CCDC178: variants seen among roughly 807,000 people sequenced by gnomAD.
CCDC178 encodes coiled-coil domain-containing protein 178.
In CCDC178, 126 loss-of-function variants were observed where a neutral mutation model predicts 117.4. The ratio of observed to expected loss-of-function variants is 1.07; its 90% CI spans 0.93 to 1.24. The LOEUF is 1.24. Ranked by LOEUF, CCDC178 falls within the 50% of genes most tolerant of loss-of-function variation. The probability of loss-of-function intolerance (pLI) is 0.00; values close to 1 mark genes in which losing one functional copy is unlikely to be tolerated. For missense variants in CCDC178, 1,030 were observed against 986.9 expected, an observed-to-expected ratio of 1.04 and a Z score of -0.59; for synonymous variants, 283 against 313.4, an observed-to-expected ratio of 0.90 and a Z score of 1.02.
chr18:33,380,069 G>C (rs1195320662), intron 5 of CCDC178, among the ~76,000 whole-genome samples: 3 of 152,052 alleles, frequency 2.0e-5, no homozygotes, highest in East Asian at 1.9e-4. Context: ...TTCTATCTGG[G>C]GGTGGAGTGC....
At chr18:33,379,177 T>C (rs2063406345) in intron 5 of CCDC178, among the ~76,000 whole-genome samples, 1 of 132,722 alleles carries the variant, frequency 7.5e-6, no homozygotes, top group Admixed American at 8.1e-5. Context: ...ATATATAATA[T>C]ATATATTTCC....
intron 20 of CCDC178, among the ~76,000 whole-genome samples, chr18:33,135,031 A>G (rs1297693010): frequency 5.3e-5 from 8 of 152,158 alleles, no homozygotes; most frequent in Non-Finnish European, 7.4e-5. Context: ...AGTATTTCAG[A>G]AAAAAATAAA....
At chr18:33,287,792 G>GAATA (rs763667556) in intron 12 of CCDC178, among the ~76,000 whole-genome samples, 30 of 151,632 alleles carry the variant, frequency 2.0e-4, no homozygotes, top group East Asian at 3.9e-4. Flanking sequence ...ATAAATGAAT[G>GAATA]AATAAATAAA....
At chr18:33,004,565 T>A (rs1460990632) in intron 21 of CCDC178, among the ~76,000 whole-genome samples, 5 of 152,074 alleles carry the variant, frequency 3.3e-5, no homozygotes, top group Non-Finnish European at 2.9e-5. Context: ...ACTGAAGATT[T>A]CTTGAGTGAT....
At chr18:33,288,260 C>T in intron 12 of CCDC178, among the ~76,000 whole-genome samples, 1 of 123,816 alleles carries the variant, frequency 8.1e-6, no homozygotes, top group Non-Finnish European at 1.7e-5. Flanking sequence ...CTCCCCTTCC[C>T]TCCCCTCCTC....
intron 14 of CCDC178, among the ~76,000 whole-genome samples, chr18:33,250,991 TA>T (rs200170322): frequency 5.9e-5 from 9 of 151,328 alleles, no homozygotes; most frequent in African/African-American, 1.9e-4. Flanking sequence ...AAGAAAACAA[TA>T]AAAAAACCTT....
chr18:33,150,918 T>A (rs1004109756), intron 20 of CCDC178, among the ~76,000 whole-genome samples: 2 of 152,140 alleles, frequency 1.3e-5, no homozygotes, highest in African/African-American at 2.4e-5. Flanking sequence ...TACTCGGGCA[T>A]AAATAGGAAT....
At chr18:33,022,309 A>G (rs928046355) in intron 21 of CCDC178, among the ~76,000 whole-genome samples, 2 of 152,172 alleles carry the variant, frequency 1.3e-5, no homozygotes, top group African/African-American at 4.8e-5. Flanking sequence ...CGTTAGGAAG[A>G]AAAAAATGTG....
intron 21 of CCDC178, among the ~76,000 whole-genome samples, chr18:33,059,046 G>A (rs1415404323): frequency 6.6e-6 from 1 of 152,076 alleles, no homozygotes; most frequent in Non-Finnish European, 1.5e-5. Context: ...AAGGGTCAAC[G>A]ACCTACAGAC....
At chr18:33,089,115 C>T (rs977451687) in intron 21 of CCDC178, among the ~76,000 whole-genome samples, 4 of 151,914 alleles carry the variant, frequency 2.6e-5, no homozygotes, top group Non-Finnish European at 5.9e-5. Context: ...AAAAGTGGCT[C>T]CAATGAAATA....
At chr18:33,364,822 C>T (rs1043830560) in intron 6 of CCDC178, among the ~76,000 whole-genome samples, 4 of 149,014 alleles carry the variant, frequency 2.7e-5, no homozygotes, top group African/African-American at 9.9e-5. Context: ...GTAGCCACCA[C>T]AGACTACTAG....
chr18:33,125,102 A>G (rs1193990796), intron 20 of CCDC178, among the ~76,000 whole-genome samples: 1 of 151,634 alleles, frequency 6.6e-6, no homozygotes, highest in Non-Finnish European at 1.5e-5. Context: ...GTGGGTATCT[A>G]TTTCCCAGTT....
chr18:33,326,316 T>C (rs2062583719), intron 10 of CCDC178, among the ~76,000 whole-genome samples: 1 of 152,052 alleles, frequency 6.6e-6, no homozygotes, highest in Non-Finnish European at 1.5e-5. Flanking sequence ...GAGAATAGGA[T>C]GGGTACATAG....
At chr18:33,056,487 T>C (rs2056832006) in intron 21 of CCDC178, among the ~76,000 whole-genome samples, 1 of 152,136 alleles carries the variant, frequency 6.6e-6, no homozygotes, top group African/African-American at 2.4e-5. Flanking sequence ...ATCACCCCTA[T>C]TAAAAATGAT....
intron 5 of CCDC178, among the ~76,000 whole-genome samples, chr18:33,389,220 C>T (rs1161718987): frequency 6.6e-6 from 1 of 151,960 alleles, no homozygotes; most frequent in East Asian, 1.9e-4. Flanking sequence ...TCTTTTTCTT[C>T]TAAGAAACAT....
At position 33,411,615 on chromosome 18, in the gene CCDC178, T is replaced by C. The variant is rs1003448391; in HGVS notation, c.58+416A>G. Among the ~76,000 whole-genome samples, 74 of 152,274 alleles carry C rather than the reference T, an allele frequency of 4.9e-4. 1 individual carries two copies. Among genetic ancestry groups the C allele is most frequent in the Admixed American group, 1.4e-3 (22 of 15,296 alleles). Reference sequence around the variant, plus strand: ...ATTATATTAGTATTTTCATTTTTAATATTCCATGTTTAGCTTCAGTGATGT... The same window carrying C: ...ATTATATTAGTATTTTCATTTTTAACATTCCATGTTTAGCTTCAGTGATGT... On this transcript the variant is annotated intron_variant, in intron 3 of 22. Transcript: ENST00000383096.
intron 6 of CCDC178, among the ~76,000 whole-genome samples, chr18:33,365,835 A>C (rs918016207): frequency 2.0e-5 from 3 of 152,084 alleles, no homozygotes; most frequent in Non-Finnish European, 4.4e-5. Context: ...AGAGGAAAAA[A>C]ATAAAACAAG....
At chr18:33,409,177 T>C (rs1316392652) in intron 3 of CCDC178, among the ~76,000 whole-genome samples, 1 of 152,100 alleles carries the variant, frequency 6.6e-6, no homozygotes, top group Non-Finnish European at 1.5e-5. Flanking sequence ...TCTGCCTCCT[T>C]GGTTCAAGGG....
chr18:33,307,405 G>A (rs1048850312), intron 11 of CCDC178, among the ~76,000 whole-genome samples: 2 of 152,192 alleles, frequency 1.3e-5, no homozygotes, highest in Non-Finnish European at 2.9e-5. Flanking sequence ...CCCTGCCATA[G>A]AGATCTGTGG....
Sources: allele counts gnomAD v4.1 joint callset (sites outside exome capture counted in the v4.1 genomes callset), GRCh38; gene constraint gnomAD v4.1.1; transcripts MANE v1.5; gene names NCBI Gene and HGNC (gene_info 2026-07-23, HGNC 2026-07-21).